Variants in BAAT observed in about 807,000 individuals in gnomAD.
BAAT encodes the protein bile acid CoA: amino acid N-acyltransferase (glycine N-choloyltransferase).
In BAAT, 13 loss-of-function variants were observed where a neutral mutation model predicts 18.9. The ratio of observed to expected loss-of-function variants is 0.69; its 90% CI spans 0.45 to 1.10. The LOEUF (loss-of-function observed/expected upper bound fraction) is 1.10. Ranked by LOEUF, BAAT falls within the 50% of genes least tolerant of loss-of-function variation. The pLI is 0.00. For synonymous variants in BAAT, 170 were observed against 190.7 expected (o/e 0.89, Z 0.89); for missense variants, 489 against 504.0 (o/e 0.97, Z 0.28).
In BAAT at chr9:101,362,925, T is replaced by C; in HGVS notation, c.760A>G (p.Thr254Ala). 1 of 1,614,054 alleles carries C rather than the reference T, an allele frequency of 6.2e-7. No individual in the cohort carries two copies. The highest frequency in any genetic ancestry group is 1.3e-5 in the African/African-American group (1 of 75,012). The change falls in exon 4 of 4, where the codon ACG (threonine) becomes GCG (alanine). Residue 254 changes from threonine (T) to alanine (A), a missense_variant. Transcript: ENST00000259407. ...MAIYLKQVTA[T>A]VLINGTNFPF... is the part of the protein sequence containing the mutation. ...AAGTTGGTCCCATTAATAAGTACCGTGGCTGTGACTTGCTTTAGGTAAATA... is the reference window on the plus strand; with the variant it reads ...AAGTTGGTCCCATTAATAAGTACCGCGGCTGTGACTTGCTTTAGGTAAATA...
intron 2 of BAAT, among the ~76,000 whole-genome samples, 198 bp downstream of exon 2, chr9:101,370,741 T>C (rs1829921076): frequency 6.6e-6 from 1 of 152,122 alleles, no homozygotes; most frequent in African/African-American, 2.4e-5. Flanking sequence ...TTAACATTGA[T>C]TGTAAGGCAG....
At chr9:101,367,116 GA>G (rs66591298) in intron 3 of BAAT, among the ~76,000 whole-genome samples, 36,237 of 100,572 alleles carry the variant, frequency 0.36, 3,844 homozygotes, top group Non-Finnish European at 0.4. Flanking sequence ...GTCAAAAAAA[GA>G]AAAAAAAAAA....
chr9:101,363,702 A>G (rs1454448316), intron 3 of BAAT, among the ~76,000 whole-genome samples: 1 of 152,150 alleles, frequency 6.6e-6, no homozygotes, highest in East Asian at 1.9e-4. Flanking sequence ...ATGAGAATGT[A>G]TGTAGGCTAG....
intron 3 of BAAT, among the ~76,000 whole-genome samples, chr9:101,367,104 C>A (rs1829842058): frequency 9.1e-6 from 1 of 109,674 alleles, no homozygotes; most frequent in Non-Finnish European, 1.7e-5. Context: ...GAGCGAGACT[C>A]TGTCAAAAAA....
chr9:101,384,026 G>A (rs1436866250), intron 1 of BAAT, among the ~76,000 whole-genome samples: 9 of 152,164 alleles, frequency 5.9e-5, no homozygotes. Context: ...AGAACGGAGT[G>A]TTAGTAGGAT....
At chr9:101,380,591 T>C (rs1830116399) in intron 1 of BAAT, among the ~76,000 whole-genome samples, 1 of 152,182 alleles carries the variant, frequency 6.6e-6, no homozygotes, top group Non-Finnish European at 1.5e-5. Context: ...GTATCCTTTT[T>C]ATATCCTAGC....
intron 2 of BAAT, among the ~76,000 whole-genome samples, chr9:101,370,416 GA>G (rs1678510929): frequency 1.4e-5 from 2 of 144,256 alleles, no homozygotes; most frequent in African/African-American, 2.6e-5. Flanking sequence ...AGGCTCAAGA[GA>G]TCTTTCCTCC....
At chr9:101,370,131 A>G (rs550999061) in intron 2 of BAAT, among the ~76,000 whole-genome samples, 1 of 152,238 alleles carries the variant, frequency 6.6e-6, no homozygotes, top group East Asian at 1.9e-4. Flanking sequence ...CAGAGCCTGT[A>G]CAAGGATCTG....
At chr9:101,372,807 GA>G (rs1564057037) in intron 1 of BAAT, among the ~76,000 whole-genome samples, 1 of 151,968 alleles carries the variant, frequency 6.6e-6, no homozygotes, top group Non-Finnish European at 1.5e-5. Flanking sequence ...AAACCCAACA[GA>G]AAAAAATAAG....
At position 101,362,536 on chromosome 9, in the gene BAAT, G is replaced by A. The variant is rs767492181; in HGVS notation, c.1149C>T (p.His383=). The A allele has an allele frequency of 3.1e-6, 5 of 1,613,972 alleles. No individual in the cohort carries two copies. The highest frequency in any genetic ancestry group is 4.2e-6 in the Non-Finnish European group (5 of 1,180,020). The part of the protein sequence containing the change: ...CASTTHDLRL[H]WGGEVIPHAA... ...CGTGTGGGATCACCTCTCCTCCCCAGTGTAACCTCAAATCGTGGGTCGTTG... is the reference window on the plus strand; with the variant it reads ...CGTGTGGGATCACCTCTCCTCCCCAATGTAACCTCAAATCGTGGGTCGTTG... The change falls in exon 4 of 4, where the codon CAC becomes CAT. Residue 383 remains histidine (H), a synonymous_variant. Coordinates refer to ENST00000259407, the MANE Select transcript of BAAT (RefSeq NM_001701.4).
At chr9:101,378,481 G>T (rs1432925817) in intron 1 of BAAT, among the ~76,000 whole-genome samples, 7 of 152,128 alleles carry the variant, frequency 4.6e-5, no homozygotes, top group Admixed American at 4.6e-4. Flanking sequence ...AACAGAGAAA[G>T]GATTCCCTAT....
At chr9:101,373,672 C>G (rs963617547) in intron 1 of BAAT, among the ~76,000 whole-genome samples, 8 of 152,222 alleles carry the variant, frequency 5.3e-5, no homozygotes, top group Non-Finnish European at 1.2e-4. Flanking sequence ...AAACGTCAAG[C>G]TTCAAAATGA....
At chr9:101,365,502 A>AT (rs1829811379) in intron 3 of BAAT, among the ~76,000 whole-genome samples, 2 of 151,686 alleles carry the variant, frequency 1.3e-5, no homozygotes, top group Non-Finnish European at 2.9e-5. Flanking sequence ...GAAATTCTGT[A>AT]TTTTTTTAAT....
chr9:101,371,347 G>C lies in BAAT; in HGVS notation c.58C>G (p.Arg20Gly), dbSNP rs758476278. The change falls in exon 2 of 4, where the codon CGA (arginine) becomes GGA (glycine). Residue 20 changes from arginine (R) to glycine (G), a missense_variant. Transcript: ENST00000259407. Reference protein sequence around the residue: ...SALVDEPVHIRATGLIPFQMV... With the variant: ...SALVDEPVHIGATGLIPFQMV... ...TGAAAGGGAATCAGGCCTGTAGCTC[G>C]GATATGCACTGGCTCATCAACAAGT... The C allele has an allele frequency of 1.9e-6, 3 of 1,613,680 alleles. No individual in the cohort carries two copies. The highest frequency in any genetic ancestry group is 2.5e-6 in the Non-Finnish European group (3 of 1,179,978).
intron 1 of BAAT, among the ~76,000 whole-genome samples, chr9:101,374,776 A>C (rs996861670): frequency 6.6e-6 from 1 of 152,176 alleles, no homozygotes; most frequent in Non-Finnish European, 1.5e-5. Flanking sequence ...CCAACAATGA[A>C]ATCTTTAAGA....
chr9:101,370,663 C>T (rs1293022057), intron 2 of BAAT, among the ~76,000 whole-genome samples: 2 of 152,092 alleles, frequency 1.3e-5, no homozygotes. Flanking sequence ...CTTAGACAAG[C>T]TTCAGAATTG....
chr9:101,363,883 G>A (rs1177996905), intron 3 of BAAT, among the ~76,000 whole-genome samples: 2 of 152,146 alleles, frequency 1.3e-5, no homozygotes, highest in Non-Finnish European at 2.9e-5. Flanking sequence ...ATGGCGGTGT[G>A]TGCCTGTAGG....
chr9:101,368,136 A>G lies in BAAT; in HGVS notation c.653T>C (p.Leu218Pro). ...AAAAATTACCTTTGGATGTCTCAGG[A>G]GAAAGTTGGCAGCCTCCTCAAAATA... is the stretch of plus-strand genomic sequence containing the variant. ...LEYFEEAANF[L>P]LRHPKVFGSG... The change falls in exon 3 of 4, where the codon CTC (leucine) becomes CCC (proline). Residue 218 changes from leucine (L) to proline (P), a missense_variant. Physicochemically the swap from Leu to Pro is moderately conservative, Grantham distance 98 (BLOSUM62 -3). Coordinates refer to ENST00000259407, the MANE Select transcript of BAAT (RefSeq NM_001701.4). The G allele has an allele frequency of 6.2e-7, 1 of 1,614,074 alleles. No individual in the cohort carries two copies. The highest frequency in any genetic ancestry group is 1.1e-5 in the South Asian group (1 of 91,086).
intron 1 of BAAT, among the ~76,000 whole-genome samples, chr9:101,372,920 C>T (rs1333659094): frequency 6.6e-6 from 1 of 152,166 alleles, no homozygotes; most frequent in African/African-American, 2.4e-5. Flanking sequence ...AAGTCTTTCT[C>T]TATCTGCCAA....
Sources: allele counts gnomAD v4.1 joint callset (sites outside exome capture counted in the v4.1 genomes callset), GRCh38; gene constraint gnomAD v4.1.1; transcripts MANE v1.5; gene names NCBI Gene and HGNC (gene_info 2026-07-23, HGNC 2026-07-21).